The following ANKRD27 variants were observed in gnomAD, a reference collection of about 807,000 sequenced individuals.
The protein encoded by ANKRD27 is ankyrin repeat domain 27.
A neutral mutation model predicts 129.7 loss-of-function variants in ANKRD27; 112 were observed. That is an observed-to-expected ratio of 0.86 (90% CI 0.74 to 1.01). The LOEUF is 1.01. Among genes scored for constraint, ANKRD27 ranks in the 50% least tolerant of loss-of-function variants. ANKRD27 has a pLI of 0.00. For synonymous variants in ANKRD27, 516 were observed against 511.2 expected, an observed-to-expected ratio of 1.01 and a Z score of -0.13; for missense variants, 1,258 against 1,300.5, an observed-to-expected ratio of 0.97 and a Z score of 0.50.
In ANKRD27 at chr19:32,643,563, G is replaced by C; in HGVS notation, c.585+9C>G. The C allele has an allele frequency of 6.2e-7, 1 of 1,613,976 alleles. No homozygotes were observed. The stretch of plus-strand genomic sequence containing the variant: ...CACAATTCTCCCTCTCAGAAGTCCT[G>C]CTGCTTACCAGGTGAGAGTCCCTCA... On this transcript the variant is annotated intron_variant, in intron 6 of 28. Transcript: ENST00000306065.
intron 2 of ANKRD27, among the ~76,000 whole-genome samples, chr19:32,656,299 T>C: frequency 6.6e-6 from 1 of 152,002 alleles, no homozygotes; most frequent in East Asian, 1.9e-4. Flanking sequence ...GTCTAGACAG[T>C]AGTTTAAAAT....
chr19:32,628,316 AC>A, intron 14 of ANKRD27, 151 bp from the exon 15 acceptor site: 1 of 664,244 alleles, frequency 1.5e-6, no homozygotes, highest in Non-Finnish European at 2.6e-6. Context: ...CCCAGTGCTC[AC>A]CCAGCATGAG....
chr19:32,635,426 G>A (rs923793372), intron 12 of ANKRD27, among the ~76,000 whole-genome samples: 5 of 152,096 alleles, frequency 3.3e-5, no homozygotes, highest in African/African-American at 9.7e-5. Context: ...CTGCACACAC[G>A]CATAGGTAGA....
chr19:32,631,416 C>A lies in ANKRD27; in HGVS notation c.1195G>T (p.Asp399Tyr). 1.2e-6 allele frequency: 2 copies of A among 1,613,978 alleles called. No homozygotes were observed. Among genetic ancestry groups the A allele is most frequent in the Non-Finnish European group, 1.7e-6 (2 of 1,179,892 alleles). ...LLSQMTSSPT[D>Y]CLFKHIASGN... ...TGGTATCTCACCTTAAACAGGCAGTCGGTGGGAGACGAAGTCATCTGAGAG... is the reference window on the plus strand; with the variant it reads ...TGGTATCTCACCTTAAACAGGCAGTAGGTGGGAGACGAAGTCATCTGAGAG... Residue 399 changes from aspartate (D) to tyrosine (Y), a missense_variant, in exon 13 of 29, where the codon GAC becomes TAC. Asp to Tyr is a radical substitution (Grantham distance 160). Coordinates refer to ENST00000306065, the MANE Select transcript of ANKRD27 (RefSeq NM_032139.3).
chr19:32,617,674 C>A, intron 20 of ANKRD27, 41 bp from the exon 21 acceptor site: 1 of 692,610 alleles, frequency 1.4e-6, no homozygotes, highest in Non-Finnish European at 2.6e-6. Flanking sequence ...ATGATTTCAA[C>A]AATAAAATAA....
intron 22 of ANKRD27, among the ~76,000 whole-genome samples, chr19:32,615,215 G>A (rs572863361): frequency 1.6e-4 from 25 of 152,306 alleles, no homozygotes; most frequent in African/African-American, 5.8e-4. Flanking sequence ...ACCATATCTT[G>A]GGGAATACCT....
intron 2 of ANKRD27, among the ~76,000 whole-genome samples, chr19:32,658,631 G>A (rs538418768): frequency 1.2e-4 from 19 of 152,286 alleles, no homozygotes; most frequent in African/African-American, 3.8e-4. Context: ...GCACCGCAGC[G>A]TGAGACCAAG....
rs544807942 is a variant in ANKRD27 at position 32,614,156 on chromosome 19, C to T, written c.2175+1502G>A. On this transcript the variant is annotated intron_variant, in intron 22 of 28. Coordinates refer to ENST00000306065, the MANE Select transcript of ANKRD27 (RefSeq NM_032139.3). ...GGTCTTGTGAGAGAACTGTGCTTTCCGGTGACAGACACATGCTGCGTCTTG... is the reference window on the plus strand; with the variant it reads ...GGTCTTGTGAGAGAACTGTGCTTTCTGGTGACAGACACATGCTGCGTCTTG... Among the ~76,000 whole-genome samples, 6 of 152,018 alleles carry T rather than the reference C, an allele frequency of 3.9e-5. No individual in the cohort carries two copies. The East Asian group carries it at 9.7e-4, about 25-fold the overall frequency.
chr19:32,599,133 T>G (rs867553735), intron 28 of ANKRD27, among the ~76,000 whole-genome samples: 1 of 152,068 alleles, frequency 6.6e-6, no homozygotes, highest in Non-Finnish European at 1.5e-5. Context: ...TACAAAAAAA[T>G]TAGCCAGGAA....
chr19:32,666,634 GATTTCT>G (rs1413484933), intron 1 of ANKRD27, among the ~76,000 whole-genome samples: 4 of 133,048 alleles, frequency 3.0e-5, no homozygotes, highest in African/African-American at 1.1e-4. Context: ...AAGGAAATCA[GATTTCT>G]ATTTTTTTTT....
chr19:32,657,199 C>T lies in ANKRD27; in HGVS notation c.102+1715G>A, dbSNP rs549904723. On this transcript the variant is annotated intron_variant, in intron 2 of 28. Coordinates refer to ENST00000306065, the MANE Select transcript of ANKRD27 (RefSeq NM_032139.3). ...AAAAATTAGGCCAGGTGTGGTGGCT[C>T]ACACCTGTAATTCCAGCACGCTGGG... Among the ~76,000 whole-genome samples the T allele has an allele frequency of 7.7e-3, 1,172 of 152,166 alleles. 16 individuals are homozygous for T. The highest frequency in any genetic ancestry group is 7.5e-3 in the Non-Finnish European group (510 of 67,992).
At chr19:32,666,523 T>G (rs1967758354) in intron 1 of ANKRD27, 1 of 152,214 alleles carries the variant, frequency 6.6e-6, no homozygotes, top group Admixed American at 6.6e-5. Context: ...CAGTGCTTTG[T>G]GTGTTTCATG....
intron 22 of ANKRD27, among the ~76,000 whole-genome samples, chr19:32,609,161 T>G (rs989940311): frequency 6.6e-6 from 1 of 150,868 alleles, no homozygotes; most frequent in Non-Finnish European, 1.5e-5. Context: ...GTGGAGCAAC[T>G]GGAATGCTCA....
In ANKRD27 at chr19:32,628,758, A is replaced by T; in HGVS notation, c.1301T>A (p.Leu434His). The change falls in exon 14 of 29, where the codon CTC becomes CAC. Residue 434 changes from leucine (L) to histidine (H), a missense_variant. Leu to His is a moderately conservative substitution (Grantham distance 99). Transcript: ENST00000306065. The part of the protein sequence containing the change: ...KDTVQKMCHP[L>H]CFCDDCEKLV... ...TTTCTCACAGTCATCGCAGAAGCAG[A>T]GAGGGTGACACATCTTTTGGACGGT... The T allele has an allele frequency of 6.2e-7, 1 of 1,614,172 alleles. No homozygotes were observed. The highest frequency in any genetic ancestry group is 8.5e-7 in the Non-Finnish European group (1 of 1,180,014).
intron 17 of ANKRD27, among the ~76,000 whole-genome samples, chr19:32,624,313 G>A (rs556781990): frequency 6.6e-6 from 1 of 150,770 alleles, no homozygotes; most frequent in East Asian, 2.0e-4. Flanking sequence ...GTTGCAGTGA[G>A]CCAAGATCGT....
At chr19:32,629,232 T>C (rs1445776350) in intron 13 of ANKRD27, among the ~76,000 whole-genome samples, 1 of 152,170 alleles carries the variant, frequency 6.6e-6, no homozygotes, top group Non-Finnish European at 1.5e-5. Flanking sequence ...AGAGTCCTTT[T>C]AGAAATGCTC....
chr19:32,667,173 C>T (rs74587484), intron 1 of ANKRD27, among the ~76,000 whole-genome samples: 5,682 of 152,306 alleles, frequency 0.037, 122 homozygotes, highest in Middle Eastern at 0.071. Context: ...TCCCAGGGGG[C>T]GCAGCTCTGT....
At chr19:32,622,070 A>T (rs1972018197) in intron 18 of ANKRD27, among the ~76,000 whole-genome samples, 1 of 152,170 alleles carries the variant, frequency 6.6e-6, no homozygotes, top group South Asian at 2.1e-4. Context: ...TTGAAGGTGA[A>T]GCACCGGGAA....
At chr19:32,624,809 G>GT (rs1972065531) in intron 17 of ANKRD27, among the ~76,000 whole-genome samples, 1 of 151,840 alleles carries the variant, frequency 6.6e-6, no homozygotes, top group Non-Finnish European at 1.5e-5. Context: ...GCATGGTGGT[G>GT]TGTACCTTTA....
Sources: gnomAD v4.1 joint callset for allele counts (sites outside exome capture counted in the v4.1 genomes callset) on GRCh38, gnomAD v4.1.1 for gene constraint, MANE v1.5 for transcripts, NCBI Gene and HGNC (gene_info 2026-07-23, HGNC 2026-07-21) for gene names.